The following KLK13 variants were observed in gnomAD, a reference collection of about 807,000 sequenced individuals.
KLK13 encodes the protein kallikrein-13.
A neutral mutation model predicts 22.4 loss-of-function variants in KLK13; 19 were observed. The observed-to-expected ratio is 0.85, with a 90% CI of 0.59 to 1.24. The LOEUF (loss-of-function observed/expected upper bound fraction) is 1.24. KLK13 is among the 50% of genes most tolerant of loss of function. The pLI, the probability that KLK13 is intolerant of heterozygous loss-of-function variation, is 0.00. For synonymous variants in KLK13, 156 were observed against 141.8 expected (o/e 1.10, Z -0.71); for missense variants, 311 against 347.9 (o/e 0.89, Z 0.84).
upstream of KLK13, among the ~76,000 whole-genome samples, chr19:51,065,501 T>C (rs1208989395): frequency 6.6e-6 from 1 of 152,124 alleles, no homozygotes; most frequent in African/African-American, 2.4e-5. Flanking sequence ...CAGGTTTCTC[T>C]CTAGATCTGA....
upstream of KLK13, chr19:51,065,124 G>C (rs909946614): frequency 9.1e-5 from 115 of 1,259,276 alleles, no homozygotes; most frequent in Non-Finnish European, 1.2e-4. Flanking sequence ...GAAGGTGAAG[G>C]GGGTGTTGAG....
chr19:51,056,755 C>T lies in KLK13; in HGVS notation c.666G>A (p.Leu222=). ...TGCCATACAGTGTTCTGTTACAGACCAGGGGGCCCCCAGAGTCACCCTGAG... is the reference window on the plus strand; with the variant it reads ...TGCCATACAGTGTTCTGTTACAGACTAGGGGGCCCCCAGAGTCACCCTGAG... The part of the protein sequence containing the change: ...DSCEGDSGGP[L]VCNRTLYGIV... Residue 222 remains leucine, a synonymous_variant, in exon 5 of 5, where the codon CTG becomes CTA. Coordinates refer to ENST00000595793, the MANE Select transcript of KLK13 (RefSeq NM_015596.3). The T allele has an allele frequency of 6.2e-7, 1 of 1,613,686 alleles. No homozygotes were observed. The highest frequency in any genetic ancestry group is 8.5e-7 in the Non-Finnish European group (1 of 1,179,850).
chr19:51,056,815 G>T, intron 4 of KLK13, 40 bp from the exon 5 acceptor site: 1 of 1,535,876 alleles, frequency 6.5e-7, no homozygotes. Flanking sequence ...GTGGGTCCTT[G>T]CTGGGGCTAA....
In KLK13 at chr19:51,059,920, C is replaced by G; in HGVS notation, c.413G>C (p.Gly138Ala). 2 of 1,609,526 alleles carry G rather than the reference C, an allele frequency of 1.2e-6. No homozygotes were observed. Among genetic ancestry groups the G allele is most frequent in the East Asian group, 2.2e-5 (1 of 44,830 alleles). ...LELQSPVQLTGYIQTLPLSHN... is the reference protein window; with the variant it reads ...LELQSPVQLTAYIQTLPLSHN... Reference sequence around the variant, plus strand: ...GGAAAGGGGCAGGGTTTGGATGTAGCCTGTGAGCTGGACCGGGGACTGCAG... The same window carrying G: ...GGAAAGGGGCAGGGTTTGGATGTAGGCTGTGAGCTGGACCGGGGACTGCAG... The change falls in exon 3 of 5, where the codon GGC becomes GCC. Residue 138 changes from glycine (G) to alanine (A), a missense_variant. Physicochemically the swap from Gly to Ala is moderately conservative, Grantham distance 60. Coordinates refer to ENST00000595793, the MANE Select transcript of KLK13 (RefSeq NM_015596.3).
intron 4 of KLK13, 135 bp downstream of exon 4, chr19:51,058,403 C>T (rs2091694872): frequency 5.7e-6 from 6 of 1,045,404 alleles, no homozygotes; most frequent in Middle Eastern, 3.2e-4. Context: ...GTCTTGACCT[C>T]CTATGTGAGG....
chr19:51,063,864 C>T (rs1431013782), intron 1 of KLK13: 2 of 460,476 alleles, frequency 4.3e-6, no homozygotes, highest in Non-Finnish European at 4.4e-6. Flanking sequence ...GTCTTCACCT[C>T]ATGTCAAGAT....
upstream of KLK13, chr19:51,065,240 T>G: frequency 7.8e-6 from 4 of 515,108 alleles, no homozygotes; most frequent in Non-Finnish European, 1.0e-5. Context: ...CCGCCTCCAA[T>G]TCCATCCTTG....
At chr19:51,064,772 G>T (rs2736434) in intron 1 of KLK13, 262,423 of 629,942 alleles carry the variant, frequency 0.42, 57,609 homozygotes, top group African/African-American at 0.66. Flanking sequence ...AGCCTTGAAC[G>T]CGGGAGGGGC....
chr19:51,063,470 A>T (rs2091748137), intron 1 of KLK13: 1 of 349,394 alleles, frequency 2.9e-6, no homozygotes, highest in Non-Finnish European at 5.7e-6. Context: ...GACAGGGAAA[A>T]CAACCTTGAT....
At chr19:51,065,156 T>C (rs916843095), upstream of KLK13, 14 of 886,270 alleles carry the variant, frequency 1.6e-5, no homozygotes, top group African/African-American at 2.0e-4. Context: ...AACCTCCGCG[T>C]CTGAAACCTC....
At chr19:51,063,245 C>T (rs1243038722) in intron 1 of KLK13, among the ~76,000 whole-genome samples, 1 of 152,074 alleles carries the variant, frequency 6.6e-6, no homozygotes, top group Non-Finnish European at 1.5e-5. Context: ...GTGGTCCAAC[C>T]CAATAAACAT....
Position 51,056,547 on chromosome 19 carries a change from G to A in KLK13, c.*40C>T. The stretch of plus-strand genomic sequence containing the variant: ...AGGGCTAAGCAGACCATGTGAGGAA[G>A]TCATGGTGACAGGATGGAAGCCGGT... On this transcript the variant is annotated 3_prime_UTR_variant, in exon 5 of 5. Transcript: ENST00000595793. 1 of 1,582,970 alleles carries A rather than the reference G, an allele frequency of 6.3e-7. No homozygotes were observed. Among genetic ancestry groups the A allele is most frequent in the Non-Finnish European group, 8.7e-7 (1 of 1,153,134 alleles).
At position 51,059,766 on chromosome 19, in the gene KLK13, C is replaced by A. The variant is rs773444097; in HGVS notation, c.508+59G>T. 5 of 1,415,954 alleles carry A rather than the reference C, an allele frequency of 3.5e-6. No homozygotes were observed. The South Asian group carries it at 8.0e-5, about 23-fold the overall frequency. 87.7% of individuals were successfully genotyped at this position (1,415,954 alleles called of 1,614,324 possible). ...CTACCTCAGACCTTCCCTCCCATCT[C>A]TGCCCCTGTTTCCCCAGCCACTCCT... On this transcript the variant is annotated intron_variant, in intron 3 of 4. Transcript: ENST00000595793.
intron 4 of KLK13, among the ~76,000 whole-genome samples, chr19:51,057,223 G>C (rs1257713370): frequency 6.6e-6 from 1 of 152,102 alleles, no homozygotes; most frequent in Non-Finnish European, 1.5e-5. Flanking sequence ...TATCTGGGCA[G>C]GGTATGCAAC....
intron 1 of KLK13, chr19:51,063,642 G>C (rs1299718194): frequency 2.2e-6 from 1 of 456,560 alleles, no homozygotes; most frequent in African/African-American, 2.0e-5. Context: ...CTAGCCTAGG[G>C]TGTGGCACTC....
rs1210873793 is a variant in KLK13 at position 51,058,582 on chromosome 19, T to C, written c.601A>G (p.Met201Val). ...QVYPGKITDN[M>V]LCAGTKEGGK... The stretch of plus-strand genomic sequence containing the variant: ...CCCTCTTTTGTGCCGGCACACAACA[T>C]GTTGTCAGTGATCTTTCCTGGGTAG... Residue 201 changes from methionine (M) to valine (V), a missense_variant, in exon 4 of 5, where the codon ATG (methionine) becomes GTG (valine). By Grantham distance (21) the Met-to-Val change is conservative. Transcript: ENST00000595793. 6.2e-7 allele frequency: 1 copy of C among 1,614,098 alleles called. No homozygotes were observed. The highest frequency in any genetic ancestry group is 8.5e-7 in the Non-Finnish European group (1 of 1,180,008).
chr19:51,056,879 A>G (rs1437100852), intron 4 of KLK13, 104 bp from the exon 5 acceptor site: 1 of 832,220 alleles, frequency 1.2e-6, no homozygotes, highest in Non-Finnish European at 1.9e-6. Flanking sequence ...AGAGAGACAC[A>G]CACAGAGAAG....
rs150401698 is a variant in KLK13 at position 51,060,419 on chromosome 19, C to A, written c.239+14G>T. 5.1e-6 allele frequency: 8 copies of A among 1,557,762 alleles called. No homozygotes were observed. Among genetic ancestry groups the A allele is most frequent in the Non-Finnish European group, 6.1e-6 (7 of 1,149,320 alleles). The stretch of plus-strand genomic sequence containing the variant: ...TTCTCATCCCTACCCCATGCTCCCC[C>A]GGCCCCCACATACTCCTTTAGACAG... On this transcript the variant is annotated intron_variant, in intron 2 of 4. Coordinates refer to ENST00000595793, the MANE Select transcript of KLK13 (RefSeq NM_015596.3).
chr19:51,065,143 C>G, upstream of KLK13: 1 of 1,063,368 alleles, frequency 9.4e-7, no homozygotes, highest in African/African-American at 1.6e-5. Context: ...AGGGCGTGCC[C>G]GGAACCTCCG....
Sources: allele counts gnomAD v4.1 joint callset (sites outside exome capture counted in the v4.1 genomes callset), GRCh38; gene constraint gnomAD v4.1.1; transcripts MANE v1.5; gene names NCBI Gene and HGNC (gene_info 2026-07-23, HGNC 2026-07-21).